Variants in SGCZ observed in about 807,000 individuals in gnomAD.
The protein encoded by SGCZ is sarcoglycan zeta.
A neutral mutation model predicts 41.3 loss-of-function variants in SGCZ; 40 were observed. The observed-to-expected ratio is 0.97, with a 90% CI of 0.75 to 1.26. SGCZ has a LOEUF of 1.26. SGCZ is among the 50% of genes most tolerant of loss of function. The pLI, the probability that SGCZ is intolerant of heterozygous loss-of-function variation, is 0.00. For synonymous variants in SGCZ, 206 were observed against 137.5 expected (o/e 1.50, Z -3.49); for missense variants, 552 against 369.8 (o/e 1.49, Z -4.04).
chr8:14,481,376 C>T (rs939091017), intron 2 of SGCZ, among the ~76,000 whole-genome samples: 3 of 152,066 alleles, frequency 2.0e-5, no homozygotes, highest in African/African-American at 7.2e-5. Context: ...GAAATCACTG[C>T]CTCACAATCA....
At chr8:15,109,046 G>T (rs1256135786) in intron 1 of SGCZ, among the ~76,000 whole-genome samples, 1 of 151,788 alleles carries the variant, frequency 6.6e-6, no homozygotes, top group African/African-American at 2.4e-5. Flanking sequence ...ACAAGAACCT[G>T]GTTAAAATTA....
intron 7 of SGCZ, 120 bp from the exon 8 acceptor site, chr8:14,090,757 G>C (rs1264401471): frequency 3.6e-6 from 3 of 840,468 alleles, no homozygotes; most frequent in Middle Eastern, 3.7e-4. Flanking sequence ...CCATGGTTTA[G>C]CTGCCATGCT....
At chr8:14,232,004 G>C (rs931591115) in intron 4 of SGCZ, among the ~76,000 whole-genome samples, 1 of 151,800 alleles carries the variant, frequency 6.6e-6, no homozygotes, top group Non-Finnish European at 1.5e-5. Flanking sequence ...TTTTAAAAAG[G>C]AAGTTATTTC....
chr8:14,334,334 C>A (rs1247898680), intron 2 of SGCZ, among the ~76,000 whole-genome samples: 2 of 152,044 alleles, frequency 1.3e-5, no homozygotes, highest in Non-Finnish European at 2.9e-5. Flanking sequence ...TATGACACAT[C>A]ACAACAATCC....
In SGCZ at chr8:14,372,763, T is replaced by C. The variant is rs992218505; in HGVS notation, c.235-48559A>G. ...CAGCCTGCTTGGAGTATCCGAGTAA[T>C]AGCAAGGAAACCAGTGGGAAATGAG... On this transcript the variant is annotated intron_variant, in intron 2 of 7. Coordinates refer to ENST00000382080, the MANE Select transcript of SGCZ (RefSeq NM_139167.4). Among the ~76,000 whole-genome samples the C allele has an allele frequency of 1.7e-4, 26 of 151,976 alleles. 1 individual carries two copies. Among genetic ancestry groups the C allele is most frequent in the Middle Eastern group, 6.8e-3 (2 of 294 alleles).
At chr8:14,718,084 A>G (rs766097068) in intron 1 of SGCZ, among the ~76,000 whole-genome samples, 24 of 151,322 alleles carry the variant, frequency 1.6e-4, no homozygotes, top group Middle Eastern at 3.2e-3. Flanking sequence ...AAATCACTTT[A>G]TAGAAATGAA....
At chr8:14,427,058 GAATGAAT>G (rs1227875543) in intron 2 of SGCZ, among the ~76,000 whole-genome samples, 2 of 139,826 alleles carry the variant, frequency 1.4e-5, no homozygotes, top group African/African-American at 5.6e-5. Flanking sequence ...ATGAATGAAT[GAATGAAT>G]GAGTGAATGA....
chr8:15,122,664 C>T (rs1487479503), intron 1 of SGCZ, among the ~76,000 whole-genome samples: 2 of 152,132 alleles, frequency 1.3e-5, no homozygotes, highest in Non-Finnish European at 2.9e-5. Context: ...TTGATGTTAT[C>T]TAATTTAACA....
At chr8:14,372,118 A>T (rs983118247) in intron 2 of SGCZ, among the ~76,000 whole-genome samples, 1 of 152,174 alleles carries the variant, frequency 6.6e-6, no homozygotes, top group Non-Finnish European at 1.5e-5. Context: ...AGGATATACA[A>T]TAAGAAAGGA....
rs746668843 is a variant in SGCZ, at chr8:14,774,324, T to C, written c.40-219398A>G. On this transcript the variant is annotated intron_variant, in intron 1 of 7. Transcript: ENST00000382080. ...TAGTCTCTATAATTGCATCAGCCAA[T>C]TTCTTAAGTGTCTTTTATACATACT... 3.3e-4 allele frequency among the ~76,000 whole-genome samples: 51 copies of C among 152,324 alleles called. 1 individual carries two copies. The highest frequency in any genetic ancestry group is 3.4e-3 in the Middle Eastern group (1 of 294).
intron 7 of SGCZ, among the ~76,000 whole-genome samples, chr8:14,095,106 C>T (rs953220467): frequency 1.3e-5 from 2 of 152,114 alleles, no homozygotes; most frequent in Admixed American, 6.5e-5. Flanking sequence ...GTTTCTTTTG[C>T]TCTGAAGAAG....
At chr8:14,692,532 G>C (rs955237694) in intron 1 of SGCZ, among the ~76,000 whole-genome samples, 1 of 152,056 alleles carries the variant, frequency 6.6e-6, no homozygotes, top group Non-Finnish European at 1.5e-5. Flanking sequence ...TATTCTTGTT[G>C]TACACATTCA....
chr8:14,545,090 T>C (rs1803583611), intron 2 of SGCZ, among the ~76,000 whole-genome samples: 1 of 151,326 alleles, frequency 6.6e-6, no homozygotes, highest in African/African-American at 2.5e-5. Context: ...CTCTTTGTAC[T>C]GTCTCTCTTT....
At chr8:15,192,425 A>G (rs113196972) in intron 1 of SGCZ, among the ~76,000 whole-genome samples, 5 of 152,286 alleles carry the variant, frequency 3.3e-5, no homozygotes, top group African/African-American at 1.2e-4. Context: ...TAGTACATCA[A>G]AGATGCTACA....
intron 1 of SGCZ, among the ~76,000 whole-genome samples, chr8:14,762,103 T>C (rs1799902530): frequency 6.6e-6 from 1 of 152,224 alleles, no homozygotes; most frequent in Admixed American, 6.5e-5. Flanking sequence ...GCCCCTTTTT[T>C]TCCAAAATGG....
intron 2 of SGCZ, among the ~76,000 whole-genome samples, chr8:14,484,467 C>T (rs1295520325): frequency 1.3e-5 from 2 of 151,924 alleles, no homozygotes; most frequent in East Asian, 1.9e-4. Flanking sequence ...CAGAAACTTG[C>T]ATTGATGTGA....
intron 1 of SGCZ, among the ~76,000 whole-genome samples, chr8:15,019,835 T>C (rs1329733080): frequency 6.7e-6 from 1 of 149,314 alleles, no homozygotes. Context: ...TTAGGAAAAC[T>C]AAGAAGAGTT....
intron 1 of SGCZ, among the ~76,000 whole-genome samples, chr8:15,098,251 G>T (rs2131076713): frequency 6.6e-6 from 1 of 152,158 alleles, no homozygotes; most frequent in East Asian, 1.9e-4. Flanking sequence ...AAGGAAAAAA[G>T]GAAAACTGAA....
At chr8:14,771,274 G>A (rs947969825) in intron 1 of SGCZ, among the ~76,000 whole-genome samples, 3 of 152,028 alleles carry the variant, frequency 2.0e-5, no homozygotes, top group Non-Finnish European at 2.9e-5. Context: ...AGAGGAGAGA[G>A]GGAAAGAAAT....
Sources: gnomAD v4.1 joint callset for allele counts (sites outside exome capture counted in the v4.1 genomes callset) on GRCh38, gnomAD v4.1.1 for gene constraint, MANE v1.5 for transcripts, NCBI Gene and HGNC (gene_info 2026-07-23, HGNC 2026-07-21) for gene names.